ADK: variants seen among roughly 807,000 people sequenced by gnomAD.
ADK encodes adenosine kinase, also known as N6,N6-dimethyladenosine kinase.
Under a neutral mutation model 44.7 loss-of-function variants are expected in ADK, and 24 were observed. The ratio of observed to expected loss-of-function variants is 0.54; its 90% confidence interval spans 0.39 to 0.76. The LOEUF (loss-of-function observed/expected upper bound fraction) is 0.76, where lower values mean the gene tolerates loss of function less well. Ranked by LOEUF, ADK falls within the 30% of genes least tolerant of loss-of-function variation. The pLI is 0.00. For synonymous variants in ADK, 128 were observed against 142.6 expected (o/e 0.90, Z 0.73); for missense variants, 321 against 425.1 (o/e 0.76, Z 2.15).
At chr10:74,203,267 G>T (rs892587908) in intron 2 of ADK, among the ~76,000 whole-genome samples, 3 of 152,114 alleles carry the variant, frequency 2.0e-5, no homozygotes, top group African/African-American at 7.2e-5. Flanking sequence ...ATAGATATAT[G>T]GGTAAATTTC....
At chr10:74,194,685 A>G (rs1449437470) in intron 1 of ADK, among the ~76,000 whole-genome samples, 2 of 152,196 alleles carry the variant, frequency 1.3e-5, no homozygotes, top group African/African-American at 4.8e-5. Flanking sequence ...GCCTAGTGCT[A>G]GTGGGTGTAT....
At chr10:74,634,363 C>T (rs1036244235) in intron 9 of ADK, among the ~76,000 whole-genome samples, 26 of 152,118 alleles carry the variant, frequency 1.7e-4, no homozygotes, top group Non-Finnish European at 2.5e-4. Context: ...TACAGGCTCC[C>T]GCCACCATGC....
intron 7 of ADK, among the ~76,000 whole-genome samples, chr10:74,534,753 ACT>A (rs1415945743): frequency 6.6e-6 from 1 of 152,112 alleles, no homozygotes; most frequent in African/African-American, 2.4e-5. Context: ...TGCTTTGATA[ACT>A]CACACTCTTC....
chr10:74,415,554 A>G (rs183922622), intron 6 of ADK, among the ~76,000 whole-genome samples: 2 of 152,270 alleles, frequency 1.3e-5, no homozygotes, highest in East Asian at 1.9e-4. Flanking sequence ...TGTTGTTGCT[A>G]TCTTTTCAGA....
At chr10:74,448,540 T>C (rs1592228703) in intron 6 of ADK, among the ~76,000 whole-genome samples, 1 of 152,170 alleles carries the variant, frequency 6.6e-6, no homozygotes, top group African/African-American at 2.4e-5. Flanking sequence ...ATGTAGACTT[T>C]CTAGACTCTA....
chr10:74,403,393 T>G (rs974518122), intron 6 of ADK, among the ~76,000 whole-genome samples: 3 of 152,252 alleles, frequency 2.0e-5, no homozygotes, highest in African/African-American at 7.2e-5. Context: ...GGGCTCTACC[T>G]AGTTCGAGCT....
intron 3 of ADK, among the ~76,000 whole-genome samples, chr10:74,254,444 G>A (rs186459969): frequency 5.9e-5 from 9 of 151,404 alleles, no homozygotes; most frequent in Non-Finnish European, 1.0e-4. Flanking sequence ...TTTCAGGTTC[G>A]GTTGCTGGAT....
chr10:74,555,736 A>G (rs1415557054), intron 7 of ADK, among the ~76,000 whole-genome samples: 1 of 152,226 alleles, frequency 6.6e-6, no homozygotes, highest in Non-Finnish European at 1.5e-5. Context: ...AAGGATGATC[A>G]TGTCTTGGGA....
intron 3 of ADK, among the ~76,000 whole-genome samples, chr10:74,298,168 C>T (rs1188427135): frequency 6.6e-6 from 1 of 152,042 alleles, no homozygotes; most frequent in African/African-American, 2.4e-5. Flanking sequence ...TACAGTGTTC[C>T]AAATTCATAG....
At chr10:74,235,826 C>T (rs1844938126) in intron 3 of ADK, among the ~76,000 whole-genome samples, 1 of 152,178 alleles carries the variant, frequency 6.6e-6, no homozygotes, top group African/African-American at 2.4e-5. Context: ...GTGATTAGAT[C>T]ATGGGGCTCT....
intron 1 of ADK, among the ~76,000 whole-genome samples, chr10:74,169,446 T>C (rs1394124854): frequency 6.6e-6 from 1 of 152,112 alleles, no homozygotes; most frequent in African/African-American, 2.4e-5. Flanking sequence ...CCTTTGAGAG[T>C]CAAAGATTTG....
intron 2 of ADK, among the ~76,000 whole-genome samples, chr10:74,224,026 C>G (rs551186173): frequency 1.3e-5 from 2 of 152,076 alleles, no homozygotes; most frequent in Non-Finnish European, 2.9e-5. Context: ...TGCACTGAGT[C>G]AAGATCGTGC....
At chr10:74,661,424 TC>T in intron 9 of ADK, 2 of 232,976 alleles carry the variant, frequency 8.6e-6, no homozygotes, top group South Asian at 3.2e-4. Context: ...CTCAGAGTCA[TC>T]ATTTATAAAA....
At chr10:74,342,428 C>A (rs908232889) in intron 4 of ADK, among the ~76,000 whole-genome samples, 2 of 152,072 alleles carry the variant, frequency 1.3e-5, no homozygotes, top group African/African-American at 2.4e-5. Context: ...ATTTTATGTT[C>A]AGATTATTCA....
intron 10 of ADK, among the ~76,000 whole-genome samples, chr10:74,692,249 C>T (rs962189303): frequency 1.3e-5 from 2 of 152,144 alleles, no homozygotes; most frequent in Admixed American, 6.5e-5. Flanking sequence ...GAGGCAAAGG[C>T]GGGCAGATCA....
intron 9 of ADK, among the ~76,000 whole-genome samples, chr10:74,664,966 T>C (rs1409934498): frequency 6.6e-6 from 1 of 152,364 alleles, no homozygotes; most frequent in Middle Eastern, 3.4e-3. Context: ...TAAAATGTTG[T>C]TTTCTGTGTT....
intron 9 of ADK, among the ~76,000 whole-genome samples, chr10:74,658,703 A>G (rs1291777406): frequency 6.6e-6 from 1 of 152,124 alleles, no homozygotes; most frequent in African/African-American, 2.4e-5. Flanking sequence ...CTCTGGGATT[A>G]CAGGCATAAA....
At chr10:74,612,661 G>A (rs1391706563) in intron 9 of ADK, among the ~76,000 whole-genome samples, 2 of 151,954 alleles carry the variant, frequency 1.3e-5, no homozygotes, top group Non-Finnish European at 1.5e-5. Context: ...TTTTATTTTT[G>A]TTGCATTTGC....
chr10:74,453,173 C>T (rs567498711), intron 6 of ADK, among the ~76,000 whole-genome samples: 23 of 151,942 alleles, frequency 1.5e-4, no homozygotes, highest in African/African-American at 5.5e-4. Context: ...TGTATATATA[C>T]CTGATGCCAT....
Sources: allele counts gnomAD v4.1 joint callset (sites outside exome capture counted in the v4.1 genomes callset), GRCh38; gene constraint gnomAD v4.1.1; transcripts MANE v1.5; gene names NCBI Gene and HGNC (gene_info 2026-07-23, HGNC 2026-07-21).